WDR64: variants seen among roughly 807,000 people sequenced by gnomAD.
WDR64 encodes the protein WD repeat domain 64, also known as WD repeat-containing protein 64.
WDR64 carries 112 observed loss-of-function variants against 139.3 expected under a neutral mutation model. The ratio of observed to expected loss-of-function variants is 0.80; its 90% confidence interval spans 0.69 to 0.94. The LOEUF is 0.94. Ranked by LOEUF, WDR64 falls within the 40% of genes least tolerant of loss-of-function variation. The probability of loss-of-function intolerance (pLI) is 0.00; values close to 1 mark genes in which losing one functional copy is unlikely to be tolerated. For synonymous variants in WDR64, 444 were observed against 437.7 expected, an observed-to-expected ratio of 1.01 and a Z score of -0.18; for missense variants, 1,206 against 1,293.1, an observed-to-expected ratio of 0.93 and a Z score of 1.03.
rs1161767824 is a variant in WDR64 at position 241,769,463 on chromosome 1, T to A, written c.2141T>A (p.Ile714Asn). Reference protein sequence around the residue: ...NPDLHPKHFKINDILFLFRTP... With the variant: ...NPDLHPKHFKNNDILFLFRTP... The stretch of plus-strand genomic sequence containing the variant: ...GACTTGCATCCCAAGCACTTTAAAA[T>A]TAATGACATACTGTTCCTCTTTCGT... Residue 714 changes from isoleucine to asparagine, a missense_variant, in exon 17 of 28, where the codon ATT (isoleucine) becomes AAT (asparagine). Coordinates refer to ENST00000437684, the MANE Select transcript of WDR64 (RefSeq NM_001367482.1). 3 of 1,551,532 alleles carry A rather than the reference T, an allele frequency of 1.9e-6. No homozygotes were observed. The East Asian group carries it at 7.3e-5, about 38-fold the overall frequency.
intron 7 of WDR64, among the ~76,000 whole-genome samples, chr1:241,686,156 G>A (rs888483422): frequency 6.6e-6 from 1 of 152,168 alleles, no homozygotes; most frequent in African/African-American, 2.4e-5. Flanking sequence ...TGAGTGTTGC[G>A]GCATTTTCTT....
intron 15 of WDR64, among the ~76,000 whole-genome samples, chr1:241,763,442 G>A (rs1370438459): frequency 6.6e-6 from 1 of 152,286 alleles, no homozygotes; most frequent in South Asian, 2.1e-4. Context: ...AGGCACAGTG[G>A]CTCACACCTG....
intron 15 of WDR64, among the ~76,000 whole-genome samples, chr1:241,763,335 A>C (rs907212121): frequency 2.3e-4 from 35 of 152,230 alleles, no homozygotes; most frequent in African/African-American, 8.4e-4. Context: ...TCCAATTTTG[A>C]ATCTTTATTT....
intron 14 of WDR64, among the ~76,000 whole-genome samples, chr1:241,750,580 T>A (rs1385598076): frequency 6.6e-6 from 1 of 152,234 alleles, no homozygotes; most frequent in Non-Finnish European, 1.5e-5. Flanking sequence ...CTTTACAAAG[T>A]GCCATTGTTC....
rs954556775 is a variant in WDR64 at position 241,770,547 on chromosome 1, C to A, written c.2184-74C>A. On this transcript the variant is annotated intron_variant, in intron 17 of 27. Transcript: ENST00000437684. ...AAGAAGCAATCAGCTGAAATTAAAG[C>A]AGAGAAGCACACCCTTTGAGTATGG... 3.0e-6 allele frequency: 4 copies of A among 1,338,780 alleles called. No homozygotes were observed. The East Asian group carries it at 7.7e-5, about 26-fold the overall frequency. The allele number at this position is 1,338,780 out of a possible 1,614,324, so 82.9% of individuals were successfully genotyped here. A position where few individuals can be genotyped will look rare whatever the true frequency, so the allele number is the denominator to read the frequency against.
intron 8 of WDR64, among the ~76,000 whole-genome samples, chr1:241,695,691 C>A (rs1021748217): frequency 1.3e-5 from 2 of 152,070 alleles, no homozygotes; most frequent in African/African-American, 4.8e-5. Context: ...GTTATAACAG[C>A]CACAATAAAC....
At chr1:241,774,992 G>C in intron 20 of WDR64, 113 bp from the exon 21 acceptor site, 1 of 796,170 alleles carries the variant, frequency 1.3e-6, no homozygotes, top group Non-Finnish European at 2.0e-6. Context: ...TGGTTCAGTA[G>C]TAGAGATAAT....
chr1:241,678,552 A>T (rs780617300), intron 5 of WDR64, among the ~76,000 whole-genome samples: 19 of 152,210 alleles, frequency 1.2e-4, no homozygotes, highest in Non-Finnish European at 1.9e-4. Flanking sequence ...AAGAATAAGG[A>T]GGTGGCCCAT....
rs947588343 is a variant in WDR64 at position 241,749,598 on chromosome 1, C to G, written c.1646C>G (p.Pro549Arg). 3 of 1,613,852 alleles carry G rather than the reference C, an allele frequency of 1.9e-6. No homozygotes were observed. Among genetic ancestry groups the G allele is most frequent in the Non-Finnish European group, 2.5e-6 (3 of 1,180,006 alleles). The change falls in exon 14 of 28, where the codon CCG becomes CGG. Residue 549 changes from proline (P) to arginine (R), a missense_variant. By Grantham distance (103) the Pro-to-Arg change is moderately radical. Transcript: ENST00000437684. ...FGSGQEMKVL[P>R]EGKDWKEDEH... Reference sequence around the variant, plus strand: ...AGTGGGCAGGAGATGAAGGTGTTGCCGGAGGGGAAAGACTGGAAGGAGGAC... The same window carrying G: ...AGTGGGCAGGAGATGAAGGTGTTGCGGGAGGGGAAAGACTGGAAGGAGGAC...
At chr1:241,701,972 G>GA (rs1227778723) in intron 8 of WDR64, among the ~76,000 whole-genome samples, 1 of 152,018 alleles carries the variant, frequency 6.6e-6, no homozygotes, top group Non-Finnish European at 1.5e-5. Context: ...AAGAAGACAG[G>GA]AAAAAAATCC....
In WDR64 at chr1:241,683,557, A is replaced by G; in HGVS notation, c.695A>G (p.His232Arg). 2 of 1,551,770 alleles carry G rather than the reference A, an allele frequency of 1.3e-6. No homozygotes were observed. The highest frequency in any genetic ancestry group is 2.4e-5 in the East Asian group (1 of 40,916). Residue 232 changes from histidine (H) to arginine (R), a missense_variant, in exon 7 of 28, where the codon CAT (histidine) becomes CGT (arginine). Coordinates refer to ENST00000437684, the MANE Select transcript of WDR64 (RefSeq NM_001367482.1). ...GTGTGTGTGGTGCCTTTGCCTGACC[A>G]TCTCTGCCGAGATGACATCCTCTTG... is the stretch of plus-strand genomic sequence containing the variant. ...LCVCVVPLPD[H>R]LCRDDILLGD... is the part of the protein sequence containing the mutation.
At chr1:241,708,900 T>G (rs976179068) in intron 8 of WDR64, among the ~76,000 whole-genome samples, 3 of 152,098 alleles carry the variant, frequency 2.0e-5, no homozygotes, top group African/African-American at 7.2e-5. Flanking sequence ...TTGGAACGAC[T>G]GCACTAAGGT....
chr1:241,748,562 G>A (rs1160473719), intron 13 of WDR64, among the ~76,000 whole-genome samples: 1 of 152,058 alleles, frequency 6.6e-6, no homozygotes, highest in Non-Finnish European at 1.5e-5. Flanking sequence ...CATTCATGAG[G>A]GTTCTACCCC....
intron 8 of WDR64, among the ~76,000 whole-genome samples, chr1:241,707,237 A>G (rs1393401397): frequency 1.3e-5 from 2 of 152,268 alleles, no homozygotes; most frequent in Admixed American, 6.5e-5. Flanking sequence ...GCTGGCACTC[A>G]TAAATGTTGT....
intron 9 of WDR64, among the ~76,000 whole-genome samples, chr1:241,716,141 C>T (rs1041845621): frequency 2.6e-5 from 4 of 152,066 alleles, no homozygotes; most frequent in Admixed American, 1.3e-4. Context: ...TGATTAGTGA[C>T]TCAGCCAAGC....
intron 8 of WDR64, among the ~76,000 whole-genome samples, chr1:241,701,319 G>T (rs554363115): frequency 4.6e-5 from 7 of 152,072 alleles, no homozygotes; most frequent in African/African-American, 1.4e-4. Context: ...GCCATTCTTT[G>T]GGTTTAAAGC....
At chr1:241,781,439 T>C (rs1658840230) in intron 22 of WDR64, among the ~76,000 whole-genome samples, 1 of 152,216 alleles carries the variant, frequency 6.6e-6, no homozygotes, top group Non-Finnish European at 1.5e-5. Context: ...GCCTCATTAT[T>C]ACATAGATCA....
intron 10 of WDR64, among the ~76,000 whole-genome samples, chr1:241,725,407 C>A: frequency 6.6e-6 from 1 of 151,712 alleles, no homozygotes; most frequent in East Asian, 1.9e-4. Flanking sequence ...CCCTCCACGT[C>A]CCCCAGCCCC....
intron 15 of WDR64, among the ~76,000 whole-genome samples, chr1:241,762,957 A>G (rs1437018165): frequency 1.3e-5 from 2 of 152,154 alleles, no homozygotes; most frequent in Non-Finnish European, 2.9e-5. Flanking sequence ...TTCTTAGCTA[A>G]AAGCCCTTTA....
Sources: allele counts gnomAD v4.1 joint callset (sites outside exome capture counted in the v4.1 genomes callset), GRCh38; gene constraint gnomAD v4.1.1; transcripts MANE v1.5; gene names NCBI Gene and HGNC (gene_info 2026-07-23, HGNC 2026-07-21).